ATL1: variants seen among roughly 807,000 people sequenced by gnomAD.
ATL1 encodes the protein atlastin GTPase 1, also known as atlastin-1.
ATL1 carries 31 observed loss-of-function variants against 75.5 expected under a neutral mutation model. The ratio of observed to expected loss-of-function variants is 0.41; its 90% CI spans 0.31 to 0.55. ATL1 has a LOEUF of 0.55. ATL1 is among the 20% of genes least tolerant of loss of function. The pLI, the probability that ATL1 is intolerant of heterozygous loss-of-function variation, is 0.27. For missense variants in ATL1, 405 were observed against 662.6 expected (o/e 0.61, Z 4.27); for synonymous variants, 226 against 233.3 (o/e 0.97, Z 0.28).
At chr14:50,574,971 A>ATATATATATATATATATATATATC (rs1234160143) in intron 1 of ATL1, among the ~76,000 whole-genome samples, 3 of 129,614 alleles carry the variant, frequency 2.3e-5, no homozygotes, top group African/African-American at 9.1e-5. Context: ...ATATATATAT[A>ATATATATATATATATATATATATC]TATATTAGCT....
intron 13 of ATL1, chr14:50,630,963 CAT>C: frequency 2.2e-6 from 1 of 455,120 alleles, no homozygotes; most frequent in Non-Finnish European, 4.4e-6. Context: ...GACGTAATGC[CAT>C]AAGAAAATCA....
chr14:50,551,415 G>A (rs2038701174), intron 1 of ATL1, among the ~76,000 whole-genome samples: 1 of 152,056 alleles, frequency 6.6e-6, no homozygotes, highest in Non-Finnish European at 1.5e-5. Context: ...TTCAGGATCA[G>A]ATGGAGTCAC....
chr14:50,560,415 G>A, intron 1 of ATL1, 116 bp downstream of exon 1: 3 of 1,367,126 alleles, frequency 2.2e-6, no homozygotes, highest in Non-Finnish European at 2.0e-6. Flanking sequence ...CCACGGCTGG[G>A]AGACGGGCCG....
intron 1 of ATL1, among the ~76,000 whole-genome samples, chr14:50,548,702 G>A (rs1410885783): frequency 6.6e-6 from 1 of 152,030 alleles, no homozygotes; most frequent in Non-Finnish European, 1.5e-5. Flanking sequence ...AGTAGAGACA[G>A]GGTTTCACTG....
intron 4 of ATL1, among the ~76,000 whole-genome samples, chr14:50,593,634 AT>A (rs1411844398): frequency 6.6e-6 from 1 of 152,182 alleles, no homozygotes; most frequent in African/African-American, 2.4e-5. Flanking sequence ...TGACTACTGT[AT>A]TTCTGGAACC....
At chr14:50,541,746 C>T (rs747525646) in intron 1 of ATL1, among the ~76,000 whole-genome samples, 5 of 151,922 alleles carry the variant, frequency 3.3e-5, no homozygotes, top group East Asian at 3.9e-4. Context: ...GTTGGCCAGG[C>T]GCGGTGGCTC....
At position 50,591,696 on chromosome 14, in the gene ATL1, T is replaced by C. The variant is rs146243252; in HGVS notation, c.522+57T>C. On this transcript the variant is annotated intron_variant, in intron 4 of 13. Transcript: ENST00000358385. ...TTTAACTAAAAATTATGAGTATATG[T>C]GTTTCTACATACATGTTATAATTAG... 658 of 1,180,302 alleles carry C rather than the reference T, an allele frequency of 5.6e-4. 4 individuals carry two copies. In the African/African-American group the frequency reaches 8.6e-3, roughly 15 times the overall value. 73.1% of individuals were successfully genotyped at this position (1,180,302 alleles called of 1,614,324 possible).
chr14:50,627,927 T>C, intron 11 of ATL1, 104 bp from the exon 12 acceptor site: 3 of 1,068,642 alleles, frequency 2.8e-6, no homozygotes, highest in South Asian at 2.7e-5. Flanking sequence ...GGCTCCTGAT[T>C]ATTAACGTAT....
At chr14:50,621,122 C>T (rs1319965765) in intron 9 of ATL1, among the ~76,000 whole-genome samples, 1 of 152,122 alleles carries the variant, frequency 6.6e-6, no homozygotes, top group Admixed American at 6.5e-5. Context: ...AATACTTCCC[C>T]ATTTCTTACT....
intron 1 of ATL1, among the ~76,000 whole-genome samples, chr14:50,583,650 C>T (rs573781625): frequency 1.3e-5 from 2 of 152,236 alleles, no homozygotes; most frequent in South Asian, 2.1e-4. Context: ...TCAAACTGAT[C>T]TATAAATGTA....
intron 1 of ATL1, among the ~76,000 whole-genome samples, chr14:50,579,568 G>A (rs535077699): frequency 6.6e-6 from 1 of 152,188 alleles, no homozygotes; most frequent in South Asian, 2.1e-4. Context: ...AATTTGATTT[G>A]GGTTATAATC....
Position 50,587,920 on chromosome 14 carries a change from GATGACC to G in ATL1, c.127_132del (p.Asp43_His44del), listed in dbSNP as rs771475691. The G allele has an allele frequency of 4.3e-6, 7 of 1,614,046 alleles. No individual in the cohort carries two copies. The highest frequency in any genetic ancestry group is 5.1e-6 in the Non-Finnish European group (6 of 1,180,040). On this transcript the variant is annotated inframe_deletion, in exon 2 of 14. Coordinates refer to ENST00000358385, the MANE Select transcript of ATL1 (RefSeq NM_015915.5). ...ACCAGTCCAAGTCCTCATTGTCAAA[GATGACC>G]ATTCCTTTGAGTTAGATGAAACTGC...
chr14:50,555,839 A>G (rs1237591365), upstream of ATL1, among the ~76,000 whole-genome samples: 2 of 152,216 alleles, frequency 1.3e-5, no homozygotes, highest in African/African-American at 4.8e-5. Flanking sequence ...TGTTACCGCC[A>G]AAAGCATTCT....
upstream of ATL1, among the ~76,000 whole-genome samples, chr14:50,558,818 G>A (rs759567812): frequency 3.9e-5 from 6 of 152,188 alleles, no homozygotes; most frequent in Non-Finnish European, 7.3e-5. Context: ...ATGAGATAAT[G>A]TCTGTCTTCC....
At chr14:50,535,001 A>G (rs999900508) in intron 1 of ATL1, among the ~76,000 whole-genome samples, 1 of 152,208 alleles carries the variant, frequency 6.6e-6, no homozygotes, top group Admixed American at 6.5e-5. Context: ...TTTCTTACAA[A>G]CCACCCAGTT....
At chr14:50,624,941 A>T (rs2039502566) in intron 11 of ATL1, among the ~76,000 whole-genome samples, 1 of 149,818 alleles carries the variant, frequency 6.7e-6, no homozygotes, top group Non-Finnish European at 1.5e-5. Context: ...ATGGTGGCAC[A>T]TGCCCATAGT....
At chr14:50,620,019 G>C (rs529245916) in intron 8 of ATL1, among the ~76,000 whole-genome samples, 7 of 152,276 alleles carry the variant, frequency 4.6e-5, no homozygotes, top group African/African-American at 1.7e-4. Flanking sequence ...CAGCACCTTG[G>C]GAGGCCGAGG....
intron 1 of ATL1, among the ~76,000 whole-genome samples, chr14:50,565,484 C>A (rs372441632): frequency 1.2e-3 from 167 of 145,176 alleles, no homozygotes; most frequent in South Asian, 1.3e-3. Flanking sequence ...GACTTCATCT[C>A]AAAAAAAAAA....
At chr14:50,590,022 T>C (rs917081645) in intron 2 of ATL1, among the ~76,000 whole-genome samples, 7 of 152,304 alleles carry the variant, frequency 4.6e-5, no homozygotes, top group Admixed American at 4.6e-4. Context: ...TATGGGATAT[T>C]TTCCATGCCT....
Sources: allele counts gnomAD v4.1 joint callset (sites outside exome capture counted in the v4.1 genomes callset), GRCh38; gene constraint gnomAD v4.1.1; transcripts MANE v1.5; gene names NCBI Gene and HGNC (gene_info 2026-07-23, HGNC 2026-07-21).